MAF: variants seen among roughly 807,000 people sequenced by gnomAD.
MAF encodes MAF bZIP transcription factor.
MAF carries 10 observed loss-of-function variants against 22.0 expected under a neutral mutation model. That is an observed-to-expected ratio of 0.45 (90% confidence interval 0.28 to 0.77). The LOEUF is 0.77. Ranked by LOEUF, MAF falls within the 30% of genes least tolerant of loss-of-function variation. The pLI, the probability that MAF is intolerant of heterozygous loss-of-function variation, is 0.12. For synonymous variants in MAF, 337 were observed against 255.8 expected, an observed-to-expected ratio of 1.32 and a Z score of -3.03; for missense variants, 544 against 548.4, an observed-to-expected ratio of 0.99 and a Z score of 0.08.
At chr16:79,320,041 C>G in the MAF span, among the ~76,000 whole-genome samples, 1 of 152,118 alleles carries the variant, frequency 6.6e-6, no homozygotes, top group Non-Finnish European at 1.5e-5. Context: ...ATGAGTCCAA[C>G]CAACCTTGGG....
the MAF span, among the ~76,000 whole-genome samples, chr16:79,470,688 C>T: frequency 1.3e-5 from 2 of 152,152 alleles, no homozygotes; most frequent in Non-Finnish European, 2.9e-5. Context: ...TAAGAATTGG[C>T]TTCATGTACT....
the MAF span, among the ~76,000 whole-genome samples, chr16:79,320,915 C>T: frequency 1.1e-4 from 16 of 152,146 alleles, no homozygotes; most frequent in African/African-American, 3.6e-4. Flanking sequence ...AGCAGAGTGA[C>T]GTTAAGAAAC....
chr16:79,339,704 T>C, the MAF span, among the ~76,000 whole-genome samples: 3 of 152,208 alleles, frequency 2.0e-5, no homozygotes, highest in Non-Finnish European at 2.9e-5. Flanking sequence ...ATAAACACCA[T>C]AGAAAGGGAG....
At chr16:79,373,083 G>C in the MAF span, among the ~76,000 whole-genome samples, 2 of 152,120 alleles carry the variant, frequency 1.3e-5, no homozygotes, top group East Asian at 1.9e-4. Context: ...AATAGGAGTG[G>C]TTATAGGATA....
the MAF span, among the ~76,000 whole-genome samples, chr16:79,337,522 C>A: frequency 1.3e-5 from 2 of 152,060 alleles, no homozygotes; most frequent in African/African-American, 4.8e-5. Flanking sequence ...GAGCCAAGAT[C>A]GTGCCACTAC....
chr16:79,315,222 G>A, the MAF span, among the ~76,000 whole-genome samples: 437 of 152,254 alleles, frequency 2.9e-3, 2 homozygotes, highest in Non-Finnish European at 5.2e-3. Flanking sequence ...CTAGTGGGAA[G>A]AGCCAGGCAA....
the MAF span, among the ~76,000 whole-genome samples, chr16:79,306,801 T>C: frequency 6.6e-6 from 1 of 152,180 alleles, no homozygotes; most frequent in African/African-American, 2.4e-5. Flanking sequence ...AGAGGCAGTC[T>C]CTCTGTGTGA....
the MAF span, among the ~76,000 whole-genome samples, chr16:79,446,843 G>C: frequency 6.6e-6 from 1 of 152,082 alleles, no homozygotes; most frequent in Non-Finnish European, 1.5e-5. Flanking sequence ...AGGAGTTTGA[G>C]GTTGAAAGGT....
At chr16:79,221,670 T>C in the MAF span, among the ~76,000 whole-genome samples, 1 of 152,230 alleles carries the variant, frequency 6.6e-6, no homozygotes, top group Middle Eastern at 3.4e-3. Context: ...TAAGAGTGTA[T>C]GTGATTATGT....
chr16:79,283,266 C>T, the MAF span, among the ~76,000 whole-genome samples: 1 of 152,140 alleles, frequency 6.6e-6, no homozygotes, highest in Non-Finnish European at 1.5e-5. Context: ...ACAAAGAAAA[C>T]CATCTTTCTA....
chr16:79,249,857 C>T, the MAF span, among the ~76,000 whole-genome samples: 1 of 151,848 alleles, frequency 6.6e-6, no homozygotes, highest in Middle Eastern at 3.4e-3. Context: ...ATTTTATATT[C>T]CTTGAGTCTG....
the MAF span, among the ~76,000 whole-genome samples, chr16:79,569,333 G>C: frequency 6.6e-6 from 1 of 152,154 alleles, no homozygotes; most frequent in African/African-American, 2.4e-5. Flanking sequence ...AAATGTCCCT[G>C]GAGGAGCAGC....
At chr16:79,466,546 A>G in the MAF span, among the ~76,000 whole-genome samples, 2 of 152,222 alleles carry the variant, frequency 1.3e-5, no homozygotes, top group Admixed American at 6.5e-5. Flanking sequence ...CCCGGAGGCA[A>G]ACTTTGGATC....
At chr16:79,290,514 C>A in the MAF span, among the ~76,000 whole-genome samples, 1 of 152,118 alleles carries the variant, frequency 6.6e-6, no homozygotes, top group African/African-American at 2.4e-5. Flanking sequence ...GAGTTTTAAT[C>A]CAGGGACAGC....
At chr16:79,456,685 G>A in the MAF span, among the ~76,000 whole-genome samples, 2 of 152,126 alleles carry the variant, frequency 1.3e-5, no homozygotes, top group Non-Finnish European at 2.9e-5. Context: ...AGTGTCTTCT[G>A]CAACATGACC....
the MAF span, among the ~76,000 whole-genome samples, chr16:79,367,372 CA>C: frequency 6.6e-6 from 1 of 152,182 alleles, no homozygotes; most frequent in Non-Finnish European, 1.5e-5. Flanking sequence ...TGAAAGACTG[CA>C]GTTACCATCT....
chr16:79,547,823 T>C, the MAF span, among the ~76,000 whole-genome samples: 2 of 152,120 alleles, frequency 1.3e-5, no homozygotes, highest in African/African-American at 2.4e-5. Flanking sequence ...CTCCTCTGTC[T>C]CCTCTGTAGC....
chr16:79,596,335 CA>C, intron 1 of MAF: 1 of 1,059,530 alleles, frequency 9.4e-7, no homozygotes, highest in Non-Finnish European at 1.1e-6. Context: ...CTCCTCACTT[CA>C]AAAAACAGCC....
the MAF span, among the ~76,000 whole-genome samples, chr16:79,374,739 G>A: frequency 3.9e-5 from 6 of 152,172 alleles, no homozygotes; most frequent in African/African-American, 1.2e-4. Flanking sequence ...TGAGTGACAT[G>A]GGAAATTGGA....
Sources: allele counts gnomAD v4.1 joint callset (sites outside exome capture counted in the v4.1 genomes callset), GRCh38; gene constraint gnomAD v4.1.1; transcripts MANE v1.5; gene names NCBI Gene and HGNC (gene_info 2026-07-23, HGNC 2026-07-21).